SNX29: variants seen among roughly 807,000 people sequenced by gnomAD.
SNX29 encodes the protein sorting nexin-29.
In SNX29, 78 loss-of-function variants were observed where a neutral mutation model predicts 102.1. That is an observed-to-expected ratio of 0.76 (90% confidence interval 0.64 to 0.92). The LOEUF is 0.92. Ranked by LOEUF, SNX29 falls within the 40% of genes least tolerant of loss-of-function variation. The pLI, the probability that SNX29 is intolerant of heterozygous loss-of-function variation, is 0.00. For synonymous variants in SNX29, 580 were observed against 414.5 expected, an observed-to-expected ratio of 1.40 and a Z score of -4.85; for missense variants, 1,280 against 1,061.7, an observed-to-expected ratio of 1.21 and a Z score of -2.86.
intron 15 of SNX29, among the ~76,000 whole-genome samples, chr16:12,326,031 T>C (rs1348139360): frequency 6.6e-6 from 1 of 151,808 alleles, no homozygotes; most frequent in African/African-American, 2.4e-5. Context: ...CCTGTCTTTT[T>C]TTCTTGTTTT....
intron 10 of SNX29, among the ~76,000 whole-genome samples, chr16:12,073,112 A>G (rs1351322976): frequency 6.6e-6 from 1 of 152,038 alleles, no homozygotes; most frequent in Non-Finnish European, 1.5e-5. Context: ...ATCCTTTCAA[A>G]AAACCAGCTC....
intron 14 of SNX29, among the ~76,000 whole-genome samples, chr16:12,240,328 T>C (rs766806919): frequency 2.6e-5 from 4 of 152,244 alleles, no homozygotes; most frequent in Admixed American, 6.5e-5. Flanking sequence ...TGTATGAGTA[T>C]GCCTGTCAGG....
At chr16:12,177,428 G>A (rs1003031319) in intron 13 of SNX29, among the ~76,000 whole-genome samples, 1 of 152,080 alleles carries the variant, frequency 6.6e-6, no homozygotes, top group South Asian at 2.1e-4. Context: ...TTTAATTATC[G>A]AGATGTGACT....
chr16:12,364,219 T>TATGTTATGTTATTG (rs2082392167), intron 16 of SNX29, among the ~76,000 whole-genome samples: 1 of 151,918 alleles, frequency 6.6e-6, no homozygotes, highest in Non-Finnish European at 1.5e-5. Flanking sequence ...TTATGTTATT[T>TATGTTATGTTATTG]TTGTAGAGGC....
Position 12,412,775 on chromosome 16 carries a change from A to C in SNX29, c.2037+9246A>C, listed in dbSNP as rs528394375. On this transcript the variant is annotated intron_variant, in intron 18 of 20. Coordinates refer to ENST00000566228, the MANE Select transcript of SNX29 (RefSeq NM_032167.5). ...AAATAGTCTATAGGTAGAGGTGGAC[A>C]CACCCTCTTGGCAGGTGAACTGTCT... Among the ~76,000 whole-genome samples the C allele has an allele frequency of 4.6e-5, 7 of 152,368 alleles. No individual in the cohort carries two copies. The South Asian group carries it at 1.4e-3, about 32-fold the overall frequency.
At chr16:12,327,910 TC>T (rs1259927243) in intron 15 of SNX29, among the ~76,000 whole-genome samples, 1 of 152,140 alleles carries the variant, frequency 6.6e-6, no homozygotes, top group Admixed American at 6.5e-5. Flanking sequence ...ACCATCCTGC[TC>T]ATGGCACCGT....
At chr16:12,553,023 C>A (rs1248004960) in intron 20 of SNX29, among the ~76,000 whole-genome samples, 1 of 152,214 alleles carries the variant, frequency 6.6e-6, no homozygotes. Context: ...ATTAGATCAG[C>A]TTTAAGAGGC....
chr16:12,540,187 T>C (rs1321225049), intron 20 of SNX29, among the ~76,000 whole-genome samples: 1 of 152,218 alleles, frequency 6.6e-6, no homozygotes, highest in Non-Finnish European at 1.5e-5. Flanking sequence ...TGGACTTTTG[T>C]GTCAGGTCCA....
At chr16:12,364,141 C>T (rs532122266) in intron 16 of SNX29, among the ~76,000 whole-genome samples, 20 of 145,738 alleles carry the variant, frequency 1.4e-4, no homozygotes, top group East Asian at 1.2e-3. Context: ...TACAGGTGTG[C>T]GCCACCAAGC....
chr16:12,361,384 A>G (rs1330893878), intron 16 of SNX29, among the ~76,000 whole-genome samples: 3 of 152,254 alleles, frequency 2.0e-5, no homozygotes, highest in Non-Finnish European at 2.9e-5. Context: ...TTGGAGAGCA[A>G]CGTCAGTGCA....
At chr16:12,547,285 G>C (rs1182620706) in intron 20 of SNX29, among the ~76,000 whole-genome samples, 1 of 152,188 alleles carries the variant, frequency 6.6e-6, no homozygotes, top group East Asian at 1.9e-4. Context: ...TTGGCCCCTG[G>C]GAGAAACAGC....
chr16:12,338,244 C>G (rs766176525), intron 15 of SNX29, among the ~76,000 whole-genome samples: 18 of 152,046 alleles, frequency 1.2e-4, no homozygotes, highest in Non-Finnish European at 2.2e-4. Context: ...ATGTTGGAGT[C>G]CAGTAGACTT....
At chr16:12,167,609 C>T (rs1473882099) in intron 13 of SNX29, among the ~76,000 whole-genome samples, 1 of 152,134 alleles carries the variant, frequency 6.6e-6, no homozygotes, top group Non-Finnish European at 1.5e-5. Context: ...GACTGCAGCT[C>T]ACATTTATTG....
chr16:12,510,276 T>C (rs567262790), intron 19 of SNX29, among the ~76,000 whole-genome samples: 8 of 152,036 alleles, frequency 5.3e-5, no homozygotes, highest in Non-Finnish European at 1.0e-4. Context: ...TACTGAGGGG[T>C]GTGTGCCTTG....
At chr16:12,278,726 A>C (rs1038029373) in intron 15 of SNX29, among the ~76,000 whole-genome samples, 1 of 152,254 alleles carries the variant, frequency 6.6e-6, no homozygotes, top group Admixed American at 6.5e-5. Flanking sequence ...TATCAAATAG[A>C]ATCATTTGTG....
intron 20 of SNX29, among the ~76,000 whole-genome samples, chr16:12,540,543 C>A (rs558297672): frequency 2.0e-5 from 3 of 152,362 alleles, no homozygotes; most frequent in East Asian, 1.9e-4. Flanking sequence ...GGCTTCCTGG[C>A]AGCCACCCTA....
chr16:11,983,455 A>G (rs2055473689), intron 1 of SNX29, among the ~76,000 whole-genome samples: 1 of 152,114 alleles, frequency 6.6e-6, no homozygotes. Context: ...AGTAGCTTGT[A>G]CTTAGAATAA....
chr16:12,556,828 G>C (rs1018341582), intron 20 of SNX29, among the ~76,000 whole-genome samples: 2 of 152,094 alleles, frequency 1.3e-5, no homozygotes, highest in Admixed American at 1.3e-4. Context: ...CCCAGAGGAG[G>C]AACAGAAGTT....
At chr16:12,291,108 C>T (rs191493380) in intron 15 of SNX29, among the ~76,000 whole-genome samples, 5 of 152,222 alleles carry the variant, frequency 3.3e-5, no homozygotes, top group Admixed American at 6.5e-5. Flanking sequence ...AGCTGTGTTA[C>T]GAGGCTCCTG....
Sources: gnomAD v4.1 joint callset for allele counts (sites outside exome capture counted in the v4.1 genomes callset) on GRCh38, gnomAD v4.1.1 for gene constraint, MANE v1.5 for transcripts, NCBI Gene and HGNC (gene_info 2026-07-23, HGNC 2026-07-21) for gene names.